OSBPL8: variants seen among roughly 807,000 people sequenced by gnomAD.
The protein encoded by OSBPL8 is oxysterol binding protein like 8.
In OSBPL8, 59 loss-of-function variants were observed where a neutral mutation model predicts 125.5. That is an observed-to-expected ratio of 0.47 (90% CI 0.38 to 0.58). The LOEUF (loss-of-function observed/expected upper bound fraction) is 0.58, where lower values mean the gene tolerates loss of function less well. Ranked by LOEUF, OSBPL8 falls within the 20% of genes least tolerant of loss-of-function variation. The pLI, the probability that OSBPL8 is intolerant of heterozygous loss-of-function variation, is 0.00. For synonymous variants in OSBPL8, 330 were observed against 338.9 expected, an observed-to-expected ratio of 0.97 and a Z score of 0.29; for missense variants, 758 against 1,047.8, an observed-to-expected ratio of 0.72 and a Z score of 3.82.
chr12:76,548,214 G>A (rs1334670522), intron 1 of OSBPL8, among the ~76,000 whole-genome samples: 1 of 151,980 alleles, frequency 6.6e-6, no homozygotes, highest in Non-Finnish European at 1.5e-5. Context: ...TTAAAATTGA[G>A]GCTAGAAAGA....
intron 5 of OSBPL8, among the ~76,000 whole-genome samples, chr12:76,406,556 G>A (rs117012475): frequency 3.3e-5 from 5 of 152,232 alleles, no homozygotes; most frequent in East Asian, 1.9e-4. Flanking sequence ...CTGATTAACC[G>A]ACTTTTCCAA....
chr12:76,478,126 T>C (rs893709440), intron 2 of OSBPL8, among the ~76,000 whole-genome samples: 5 of 151,954 alleles, frequency 3.3e-5, no homozygotes, highest in African/African-American at 1.2e-4. Context: ...TGCTTGAACC[T>C]GGGAGGCAGA....
At chr12:76,500,511 T>C (rs937636156) in intron 1 of OSBPL8, among the ~76,000 whole-genome samples, 9 of 152,188 alleles carry the variant, frequency 5.9e-5, no homozygotes, top group Non-Finnish European at 1.2e-4. Context: ...TTTTTAAAAT[T>C]TGTTTATATA....
intron 1 of OSBPL8, among the ~76,000 whole-genome samples, chr12:76,555,475 G>A (rs1951065937): frequency 6.6e-6 from 1 of 152,144 alleles, no homozygotes; most frequent in Admixed American, 6.5e-5. Flanking sequence ...GATGAGTCAA[G>A]CAAATATTAG....
chr12:76,495,239 G>T (rs1879153701), intron 1 of OSBPL8, among the ~76,000 whole-genome samples: 1 of 152,178 alleles, frequency 6.6e-6, no homozygotes, highest in African/African-American at 2.4e-5. Context: ...TTATCTTCCA[G>T]TTCCTGTAAG....
Position 76,397,708 on chromosome 12 carries a change from T to C in OSBPL8, c.658A>G (p.Ile220Val), listed in dbSNP as rs750040418. 9.9e-6 allele frequency: 16 copies of C among 1,613,918 alleles called. No homozygotes were observed. Among genetic ancestry groups the C allele is most frequent in the Admixed American group, 1.7e-5 (1 of 59,996 alleles). Residue 220 changes from isoleucine to valine, a missense_variant, in exon 8 of 24, where the codon ATT (isoleucine) becomes GTT (valine). Ile to Val is a conservative substitution (Grantham distance 29). Transcript: ENST00000261183. ...GGCTTACATACCTTCACTGCCCAAA[T>C]AGATTGCTCCAAAGGATGGAAAAGT... ...FKLFHPLEQSIWAVKGPKGEA... is the reference protein window; with the variant it reads ...FKLFHPLEQSVWAVKGPKGEA...
At chr12:76,443,230 C>G (rs924684558) in intron 4 of OSBPL8, among the ~76,000 whole-genome samples, 1 of 152,066 alleles carries the variant, frequency 6.6e-6, no homozygotes, top group Non-Finnish European at 1.5e-5. Flanking sequence ...ATTATATATT[C>G]TCTCACAAAG....
At chr12:76,494,806 C>T (rs530079696) in intron 1 of OSBPL8, among the ~76,000 whole-genome samples, 7 of 152,150 alleles carry the variant, frequency 4.6e-5, no homozygotes, top group Admixed American at 6.5e-5. Flanking sequence ...ATTTCATATT[C>T]GTGTGGGCCT....
chr12:76,527,480 G>T (rs1342325000), intron 1 of OSBPL8, among the ~76,000 whole-genome samples: 1 of 152,078 alleles, frequency 6.6e-6, no homozygotes, highest in Non-Finnish European at 1.5e-5. Context: ...TCTTTTGATG[G>T]AAAGCCTTAT....
At chr12:76,514,363 G>A (rs367844865) in intron 1 of OSBPL8, among the ~76,000 whole-genome samples, 2 of 151,388 alleles carry the variant, frequency 1.3e-5, no homozygotes, top group East Asian at 3.9e-4. Context: ...ATATTGGCCA[G>A]GCTGGTCTTG....
chr12:76,485,596 A>G (rs561040754), intron 2 of OSBPL8, among the ~76,000 whole-genome samples: 3 of 152,226 alleles, frequency 2.0e-5, no homozygotes, highest in Non-Finnish European at 2.9e-5. Flanking sequence ...ATAAAATGTA[A>G]TAACATTTAC....
intron 1 of OSBPL8, among the ~76,000 whole-genome samples, chr12:76,536,551 T>C (rs565997355): frequency 7.2e-5 from 11 of 152,242 alleles, no homozygotes; most frequent in African/African-American, 2.6e-4. Context: ...TTAGTTGAAT[T>C]TGTATCTACC....
At chr12:76,459,557 T>C (rs1233353091) in intron 3 of OSBPL8, among the ~76,000 whole-genome samples, 3 of 152,188 alleles carry the variant, frequency 2.0e-5, no homozygotes, top group Non-Finnish European at 2.9e-5. Flanking sequence ...GTGATAACTG[T>C]AGAAAGAAAT....
At chr12:76,476,988 T>A (rs538337512) in intron 2 of OSBPL8, among the ~76,000 whole-genome samples, 13 of 152,134 alleles carry the variant, frequency 8.5e-5, no homozygotes, top group Non-Finnish European at 1.0e-4. Flanking sequence ...TGCTGAAAGG[T>A]AGAGGTCCTG....
intron 8 of OSBPL8, among the ~76,000 whole-genome samples, chr12:76,396,177 C>A (rs1238611302): frequency 1.3e-5 from 2 of 151,714 alleles, no homozygotes; most frequent in African/African-American, 4.8e-5. Context: ...AAATTCTTTC[C>A]CCTGCAGGAA....
At chr12:76,406,693 G>A (rs1954275581) in intron 5 of OSBPL8, among the ~76,000 whole-genome samples, 1 of 152,132 alleles carries the variant, frequency 6.6e-6, no homozygotes, top group African/African-American at 2.4e-5. Flanking sequence ...ACAGCTCACT[G>A]CAGCCTCCAA....
At chr12:76,449,888 C>T (rs1044372722) in intron 4 of OSBPL8, among the ~76,000 whole-genome samples, 1 of 152,006 alleles carries the variant, frequency 6.6e-6, no homozygotes, top group Admixed American at 6.6e-5. Context: ...TTCCAGATTG[C>T]AATTAACATA....
intron 1 of OSBPL8, among the ~76,000 whole-genome samples, chr12:76,545,724 A>T (rs1950765526): frequency 3.3e-5 from 5 of 150,728 alleles, no homozygotes. Context: ...CTAATTTACA[A>T]TGTAAGTAAC....
rs1240904020 is a variant in OSBPL8 at position 76,517,235 on chromosome 12, G to A, written c.-67-29617C>T. ...TATGTTCTCTTTACAATTAAAAAAT[G>A]TAATCATTCTATAGCAAAAATAAAC... On this transcript the variant is annotated intron_variant, in intron 1 of 23. Transcript: ENST00000261183. Among the ~76,000 whole-genome samples the A allele has an allele frequency of 3.9e-5, 6 of 152,130 alleles. No individual in the cohort carries two copies. The South Asian group carries it at 1.0e-3, about 26-fold the overall frequency.
Sources: allele counts gnomAD v4.1 joint callset (sites outside exome capture counted in the v4.1 genomes callset), GRCh38; gene constraint gnomAD v4.1.1; transcripts MANE v1.5; gene names NCBI Gene and HGNC (gene_info 2026-07-23, HGNC 2026-07-21).